KRT86: variants seen among roughly 807,000 people sequenced by gnomAD.
KRT86 encodes the protein keratin, type II cuticular Hb6.
A neutral mutation model predicts 41.2 loss-of-function variants in KRT86; 30 were observed. That is an observed-to-expected ratio of 0.73 (90% confidence interval 0.54 to 0.99). The LOEUF is 0.99. Among genes scored for constraint, KRT86 ranks in the 50% least tolerant of loss-of-function variants. The probability of loss-of-function intolerance (pLI) is 0.00; values close to 1 mark genes in which losing one functional copy is unlikely to be tolerated. For synonymous variants in KRT86, 238 were observed against 238.1 expected (o/e 1.00, Z 0.00); for missense variants, 561 against 571.4 (o/e 0.98, Z 0.19).
intron 2 of KRT86, among the ~76,000 whole-genome samples, chr12:52,296,351 G>A (rs1938248946): frequency 6.6e-6 from 1 of 152,122 alleles, no homozygotes; most frequent in Non-Finnish European, 1.5e-5. Context: ...GGAGGTGGAT[G>A]GGGGAAGCAG....
Position 52,285,206 on chromosome 12 carries a change from C to G in KRT86, c.-5+9260C>G, listed in dbSNP as rs112726522. Among the ~76,000 whole-genome samples the G allele has an allele frequency of 1.9e-3, 294 of 152,304 alleles. 2 individuals carry two copies. Among genetic ancestry groups the G allele is most frequent in the African/African-American group, 6.7e-3 (277 of 41,554 alleles). On this transcript the variant is annotated intron_variant, in intron 2 of 10. Coordinates refer to ENST00000423955, the MANE Select transcript of KRT86 (RefSeq NM_001320198.2). ...GTAAATACATTGCCCAACCCACTCA[C>G]CTAGGAAGGACCAGGGCCCAGCTTG...
chr12:52,308,704 C>T lies in KRT86; in HGVS notation c.*119C>T. On this transcript the variant is annotated 3_prime_UTR_variant, in exon 11 of 11. Coordinates refer to ENST00000423955, the MANE Select transcript of KRT86 (RefSeq NM_001320198.2). ...ATAGCCGCCGCCCGCTGCCTGCACT[C>T]TAAGCGCCCTCCCCACCGCTCCGCT... 1.0e-6 allele frequency: 1 copy of T among 989,392 alleles called. No individual in the cohort carries two copies. 61.3% of individuals were successfully genotyped at this position (989,392 alleles called of 1,614,324 possible).
chr12:52,288,537 G>A (rs1332526867), intron 2 of KRT86: 100 of 1,533,540 alleles, frequency 6.5e-5, no homozygotes, highest in Non-Finnish European at 8.6e-5. Context: ...TCCATTCCAT[G>A]TAGCCAGGGG....
chr12:52,280,266 G>A (rs1397165696), intron 2 of KRT86, among the ~76,000 whole-genome samples: 26 of 152,158 alleles, frequency 1.7e-4, no homozygotes, highest in Admixed American at 1.7e-3. Context: ...AAGTTGGTCC[G>A]AGTTTTTACA....
At chr12:52,305,907 T>A in intron 8 of KRT86, 119 bp downstream of exon 8, 1 of 1,588,000 alleles carries the variant, frequency 6.3e-7, no homozygotes, top group East Asian at 2.3e-5. Context: ...CCATGTAGAG[T>A]CCCTGGTTGT....
intron 2 of KRT86, chr12:52,287,402 A>C: frequency 6.3e-7 from 1 of 1,585,776 alleles, no homozygotes; most frequent in Non-Finnish European, 8.6e-7. Context: ...CACACTCCCC[A>C]CCAAGCTGGG....
chr12:52,284,335 G>A (rs1937856164), intron 2 of KRT86, among the ~76,000 whole-genome samples: 1 of 152,186 alleles, frequency 6.6e-6, no homozygotes, highest in African/African-American at 2.4e-5. Context: ...GACTATAGGT[G>A]CACACCACGT....
chr12:52,293,790 C>G (rs577564736), intron 2 of KRT86, among the ~76,000 whole-genome samples: 2 of 152,108 alleles, frequency 1.3e-5, no homozygotes, highest in Non-Finnish European at 2.9e-5. Context: ...AAAATTAGCT[C>G]GTAAAGTACA....
At position 52,275,940 on chromosome 12, in the gene KRT86, G is replaced by A. The variant is rs145174534; in HGVS notation, c.-11G>A. On this transcript the variant is annotated 5_prime_UTR_variant, in exon 2 of 11. Coordinates refer to ENST00000423955, the MANE Select transcript of KRT86 (RefSeq NM_001320198.2). The stretch of plus-strand genomic sequence containing the variant: ...TGACGGTGGAGGTGGGCAGTGCTGA[G>A]AGTCAGGTGAGAGGTGGGAGTGGGG... 363 of 986,020 alleles carry A rather than the reference G, an allele frequency of 3.7e-4. 4 individuals carry two copies. The East Asian group carries it at 0.027, about 74-fold the overall frequency. 61.1% of individuals were successfully genotyped at this position (986,020 alleles called of 1,614,324 possible).
At position 52,305,663 on chromosome 12, in the gene KRT86, T is replaced by G; in HGVS notation, c.901T>G (p.Cys301Gly). The G allele has an allele frequency of 6.2e-7, 1 of 1,613,928 alleles. No individual in the cohort carries two copies. The highest frequency in any genetic ancestry group is 8.5e-7 in the Non-Finnish European group (1 of 1,179,898). ...AEAESWYRSKCEEMKATVIRH... is the reference protein window; with the variant it reads ...AEAESWYRSKGEEMKATVIRH... ...TCATGAGCATCTCTACTTCCCCCAG[T>G]GTGAGGAGATGAAGGCCACGGTGAT... Residue 301 changes from cysteine to glycine, a missense_variant and splice_region_variant, in exon 8 of 11, where the codon TGT becomes GGT. Physicochemically the swap from Cys to Gly is radical, Grantham distance 159 (BLOSUM62 -3). This residue lies in a region of KRT86 where 397 missense variants were observed against 375.9 expected (regional missense o/e 1.06). Coordinates refer to ENST00000423955, the MANE Select transcript of KRT86 (RefSeq NM_001320198.2).
Position 52,306,270 on chromosome 12 carries a change from G to A in KRT86, c.1237G>A (p.Glu413Lys), listed in dbSNP as rs121909129. ...IATYRRLLEG[E>K]EQRLCEGVGS... ...CACCTACAGGCGCCTGCTGGAGGGC[G>A]AGGAGCAGAGGTGGGTCCCATAGAC... The change falls in exon 9 of 11, where the codon GAG (glutamate) becomes AAG (lysine). Residue 413 changes from glutamate to lysine, a missense_variant. Coordinates refer to ENST00000423955, the MANE Select transcript of KRT86 (RefSeq NM_001320198.2). 2 of 1,613,460 alleles carry A rather than the reference G, an allele frequency of 1.2e-6. No homozygotes were observed. Among genetic ancestry groups the A allele is most frequent in the Non-Finnish European group, 1.7e-6 (2 of 1,180,034 alleles).
chr12:52,291,614 G>T (rs1938128737), intron 2 of KRT86: 1 of 1,272,762 alleles, frequency 7.9e-7, no homozygotes, highest in Non-Finnish European at 1.1e-6. Flanking sequence ...GGGGCAATTT[G>T]CGCTTTATGG....
chr12:52,300,703 G>C (rs945408708), intron 2 of KRT86, among the ~76,000 whole-genome samples: 3 of 152,240 alleles, frequency 2.0e-5, no homozygotes, highest in African/African-American at 7.2e-5. Flanking sequence ...GAGTTTCAAG[G>C]AGTATAGTGC....
chr12:52,301,709 A>G (rs905107349), intron 2 of KRT86: 8 of 437,808 alleles, frequency 1.8e-5, no homozygotes, highest in African/African-American at 1.5e-4. Flanking sequence ...CTGGGCACCA[A>G]TTAAGTACAT....
chr12:52,291,661 A>C, intron 2 of KRT86: 1 of 724,460 alleles, frequency 1.4e-6, no homozygotes, highest in Non-Finnish European at 2.2e-6. Flanking sequence ...CCTCTCCAGA[A>C]TGTGCTTTAA....
intron 8 of KRT86, 81 bp from the exon 9 acceptor site, chr12:52,305,979 G>A: frequency 6.3e-7 from 1 of 1,589,068 alleles, no homozygotes; most frequent in Non-Finnish European, 8.6e-7. Flanking sequence ...TCCCAGCTTG[G>A]TGGGGAGCAT....
At chr12:52,283,217 A>G (rs2121211519) in intron 2 of KRT86, among the ~76,000 whole-genome samples, 1 of 146,722 alleles carries the variant, frequency 6.8e-6, no homozygotes, top group East Asian at 2.1e-4. Flanking sequence ...AATAAGGTGA[A>G]ACCCCGTCAG....
chr12:52,302,846 G>GT (rs1565748167), intron 3 of KRT86, among the ~76,000 whole-genome samples: 2 of 122,664 alleles, frequency 1.6e-5, no homozygotes, highest in Non-Finnish European at 3.9e-5. Flanking sequence ...GGGGGTGGGG[G>GT]GGGGGTCACT....
intron 2 of KRT86, among the ~76,000 whole-genome samples, chr12:52,295,628 G>A (rs1284260929): frequency 6.6e-6 from 1 of 152,172 alleles, no homozygotes; most frequent in African/African-American, 2.4e-5. Flanking sequence ...CCAGTATTAA[G>A]AGAAAAGCAG....
Sources: gnomAD v4.1 joint callset for allele counts (sites outside exome capture counted in the v4.1 genomes callset) on GRCh38, gnomAD v4.1.1 for gene constraint, gnomAD v4.1.1 regional missense constraint, MANE v1.5 for transcripts, NCBI Gene and HGNC (gene_info 2026-07-23, HGNC 2026-07-21) for gene names.